The following SPAST variants were observed in gnomAD, a reference collection of about 807,000 sequenced individuals.
SPAST encodes the protein spastin, also known as spastic paraplegia 4 (autosomal dominant; spastin).
In SPAST, 30 loss-of-function variants were observed where a neutral mutation model predicts 76.6. The ratio of observed to expected loss-of-function variants is 0.39; its 90% CI spans 0.29 to 0.53. The LOEUF (loss-of-function observed/expected upper bound fraction) is 0.53, where lower values mean the gene tolerates loss of function less well. Among genes scored for constraint, SPAST ranks in the 20% least tolerant of loss-of-function variants. The probability of loss-of-function intolerance (pLI) is 0.68; values close to 1 mark genes in which losing one functional copy is unlikely to be tolerated. For synonymous variants in SPAST, 305 were observed against 281.0 expected (o/e 1.09, Z -0.86); for missense variants, 717 against 770.5 (o/e 0.93, Z 0.82).
chr2:32,136,670 C>T, intron 10 of SPAST, 32 bp downstream of exon 10: 1 of 1,535,088 alleles, frequency 6.5e-7, no homozygotes, highest in Non-Finnish European at 9.0e-7. Context: ...AAGTTATTGA[C>T]TATTTGTGAA....
chr2:32,134,725 C>T (rs1679479636), intron 9 of SPAST, among the ~76,000 whole-genome samples: 1 of 152,152 alleles, frequency 6.6e-6, no homozygotes, highest in South Asian at 2.1e-4. Flanking sequence ...GACAAGGTCT[C>T]ACTTTTTCGC....
chr2:32,103,044 C>G (rs1678187521), intron 4 of SPAST, among the ~76,000 whole-genome samples: 1 of 152,208 alleles, frequency 6.6e-6, no homozygotes, highest in Admixed American at 6.5e-5. Context: ...AGGAATGGTA[C>G]CAGCTCCTCT....
At chr2:32,103,761 A>G (rs1678214484) in intron 4 of SPAST, among the ~76,000 whole-genome samples, 1 of 152,024 alleles carries the variant, frequency 6.6e-6, no homozygotes, top group Non-Finnish European at 1.5e-5. Flanking sequence ...TTCAGTTTCC[A>G]TGTAGTTGTG....
chr2:32,141,322 A>G (rs147523941), intron 12 of SPAST, among the ~76,000 whole-genome samples: 4 of 152,250 alleles, frequency 2.6e-5, no homozygotes, highest in East Asian at 1.9e-4. Flanking sequence ...TATGCTATCA[A>G]TTAGGGTTTA....
At chr2:32,080,266 T>G (rs146853564) in intron 1 of SPAST, among the ~76,000 whole-genome samples, 1 of 152,226 alleles carries the variant, frequency 6.6e-6, no homozygotes, top group Non-Finnish European at 1.5e-5. Context: ...CATTTTTTAA[T>G]TGGGTTGTTT....
At chr2:32,089,722 T>G in intron 3 of SPAST, 117 bp downstream of exon 3, 1 of 692,196 alleles carries the variant, frequency 1.4e-6, no homozygotes, top group East Asian at 2.8e-5. Flanking sequence ...CTTTTTAACA[T>G]AAAGAAAACG....
At chr2:32,124,146 T>C (rs1573134472) in intron 7 of SPAST, among the ~76,000 whole-genome samples, 1 of 152,116 alleles carries the variant, frequency 6.6e-6, no homozygotes, top group East Asian at 1.9e-4. Context: ...GTATCCAAAA[T>C]ATACAAAGAA....
intron 16 of SPAST, among the ~76,000 whole-genome samples, chr2:32,149,193 G>T (rs1228190564): frequency 2.0e-5 from 3 of 150,784 alleles, no homozygotes. Flanking sequence ...AGGTTCAAGC[G>T]ATTCTCCTGC....
chr2:32,122,773 A>G (rs1185741315), intron 7 of SPAST, among the ~76,000 whole-genome samples: 1 of 136,828 alleles, frequency 7.3e-6, no homozygotes, highest in Non-Finnish European at 1.7e-5. Context: ...AACCCCATCT[A>G]TATTTAAAAA....
At chr2:32,065,124 A>G (rs1489801033) in intron 1 of SPAST, among the ~76,000 whole-genome samples, 2 of 151,664 alleles carry the variant, frequency 1.3e-5, no homozygotes, top group South Asian at 2.1e-4. Flanking sequence ...GGTTCCAGCG[A>G]TTCTCCTGCC....
intron 1 of SPAST, 78 bp downstream of exon 1, chr2:32,064,324 G>A: frequency 1.5e-6 from 2 of 1,311,800 alleles, no homozygotes; most frequent in East Asian, 5.1e-5. Flanking sequence ...CAACACCTGC[G>A]TCCCTTTTCT....
At chr2:32,150,760 T>C (rs1217890106) in intron 16 of SPAST, among the ~76,000 whole-genome samples, 1 of 152,120 alleles carries the variant, frequency 6.6e-6, no homozygotes, top group Admixed American at 6.6e-5. Flanking sequence ...CCTAAAAATA[T>C]AATTTTATCC....
chr2:32,125,691 T>C (rs1296160513), intron 7 of SPAST, among the ~76,000 whole-genome samples: 1 of 152,138 alleles, frequency 6.6e-6, no homozygotes, highest in African/African-American at 2.4e-5. Flanking sequence ...CTTATTTCTT[T>C]AGAGAACGAA....
At chr2:32,099,154 C>A (rs1349301614) in intron 4 of SPAST, among the ~76,000 whole-genome samples, 1 of 152,008 alleles carries the variant, frequency 6.6e-6, no homozygotes, top group African/African-American at 2.4e-5. Flanking sequence ...TATACATTCC[C>A]GTAAGTGATT....
chr2:32,077,281 G>A (rs560980007), intron 1 of SPAST, among the ~76,000 whole-genome samples: 1 of 152,192 alleles, frequency 6.6e-6, no homozygotes, highest in African/African-American at 2.4e-5. Context: ...AATGGTTTGT[G>A]TGAGAATACT....
rs150201908 is a variant in SPAST, at chr2:32,103,201, G to C, written c.682+4310G>C. Among the ~76,000 whole-genome samples the C allele has an allele frequency of 1.1e-4, 16 of 152,302 alleles. No individual in the cohort carries two copies. In the South Asian group the frequency reaches 3.3e-3, roughly 32 times the overall value. On this transcript the variant is annotated intron_variant, in intron 4 of 16. Coordinates refer to ENST00000315285, the MANE Select transcript of SPAST (RefSeq NM_014946.4). The stretch of plus-strand genomic sequence containing the variant: ...CTTCCTGGTTTAGCCTTGGGAGGCT[G>C]TATGTGTCCAGGGATTTATCCATTT...
chr2:32,089,435 C>G, intron 2 of SPAST, 87 bp from the exon 3 acceptor site: 3 of 762,936 alleles, frequency 3.9e-6, no homozygotes, highest in East Asian at 2.7e-5. Context: ...GACTGTGACT[C>G]CCCATGAAAG....
chr2:32,064,344 G>T lies in SPAST; in HGVS notation c.415+98G>T, dbSNP rs1018753970. 91 of 1,167,250 alleles carry T rather than the reference G, an allele frequency of 7.8e-5. No individual in the cohort carries two copies. In the East Asian group the frequency reaches 2.3e-3, roughly 29 times the overall value. 72.3% of individuals were successfully genotyped at this position (1,167,250 alleles called of 1,614,324 possible). On this transcript the variant is annotated intron_variant, in intron 1 of 16. Transcript: ENST00000315285. Reference sequence around the variant, plus strand: ...CCTGCGTCCCTTTTCTGCGGGAGGGGACGGTGCACCCCCGGAATTGATATG... The same window carrying T: ...CCTGCGTCCCTTTTCTGCGGGAGGGTACGGTGCACCCCCGGAATTGATATG...
intron 3 of SPAST, among the ~76,000 whole-genome samples, chr2:32,094,312 G>A (rs1230770224): frequency 2.0e-5 from 3 of 151,924 alleles, no homozygotes; most frequent in African/African-American, 4.8e-5. Context: ...TCTGCCTCCC[G>A]GGTTCAAGCG....
Sources: gnomAD v4.1 joint callset for allele counts (sites outside exome capture counted in the v4.1 genomes callset) on GRCh38, gnomAD v4.1.1 for gene constraint, MANE v1.5 for transcripts, NCBI Gene and HGNC (gene_info 2026-07-23, HGNC 2026-07-21) for gene names.